The following FSIP1 variants were observed in gnomAD, a reference collection of about 807,000 sequenced individuals.
FSIP1 encodes the protein fibrous sheath interacting protein 1.
In FSIP1, 65 loss-of-function variants were observed where a neutral mutation model predicts 60.9. The ratio of observed to expected loss-of-function variants is 1.07; its 90% CI spans 0.87 to 1.31. FSIP1 has a LOEUF of 1.31. Ranked by LOEUF, FSIP1 falls within the 40% of genes most tolerant of loss-of-function variation. The pLI, the probability that FSIP1 is intolerant of heterozygous loss-of-function variation, is 0.00. For synonymous variants in FSIP1, 209 were observed against 221.2 expected (o/e 0.94, Z 0.49); for missense variants, 675 against 665.5 (o/e 1.01, Z -0.16).
intron 8 of FSIP1, among the ~76,000 whole-genome samples, chr15:39,734,696 G>A (rs1000841126): frequency 1.3e-5 from 2 of 152,068 alleles, no homozygotes; most frequent in Non-Finnish European, 1.5e-5. Flanking sequence ...AGAGGATAGG[G>A]AGATAAACAA....
chr15:39,718,667 T>C (rs1315364233), intron 9 of FSIP1, among the ~76,000 whole-genome samples: 1 of 152,252 alleles, frequency 6.6e-6, no homozygotes, highest in East Asian at 1.9e-4. Flanking sequence ...TGGCTGATTT[T>C]TTTTGTATGA....
chr15:39,763,681 A>G lies in FSIP1; in HGVS notation c.559+140T>C, dbSNP rs1006632303. 3 of 605,676 alleles carry G rather than the reference A, an allele frequency of 5.0e-6. No individual in the cohort carries two copies. In the African/African-American group the frequency reaches 5.6e-5, roughly 11 times the overall value. 37.5% of individuals were successfully genotyped at this position (605,676 alleles called of 1,614,324 possible). ...GGAGTAGTTTCATATAATCCTACCTAATGTGATCAATTATTTCCCTAAAGA... is the reference window on the plus strand; with the variant it reads ...GGAGTAGTTTCATATAATCCTACCTGATGTGATCAATTATTTCCCTAAAGA... On this transcript the variant is annotated intron_variant, in intron 5 of 11. Transcript: ENST00000350221.
chr15:39,674,094 G>T (rs1381700837), intron 10 of FSIP1, among the ~76,000 whole-genome samples: 3 of 148,316 alleles, frequency 2.0e-5, no homozygotes, highest in East Asian at 2.0e-4. Context: ...TCGCTCTGTC[G>T]CCCAGGCTGG....
intron 10 of FSIP1, among the ~76,000 whole-genome samples, chr15:39,634,951 T>C (rs11633974): frequency 0.14 from 21,373 of 152,078 alleles, 1,841 homozygotes; most frequent in African/African-American, 0.23. Context: ...AAAAAGAAGA[T>C]AGAGGCCTAA....
In FSIP1 at chr15:39,600,868, G is replaced by A; in HGVS notation, c.*12C>T. On this transcript the variant is annotated 3_prime_UTR_variant, in exon 12 of 12. Coordinates refer to ENST00000350221, the MANE Select transcript of FSIP1 (RefSeq NM_152597.5). ...ACCAACTTTCTGAAAAGCACACCCA[G>A]CAAGTCCTTGATTAGGGTTCTTTAC... 1 of 1,598,994 alleles carries A rather than the reference G, an allele frequency of 6.3e-7. No homozygotes were observed. The highest frequency in any genetic ancestry group is 8.5e-7 in the Non-Finnish European group (1 of 1,174,264).
chr15:39,680,008 A>G (rs1894096310), intron 10 of FSIP1, among the ~76,000 whole-genome samples: 1 of 152,214 alleles, frequency 6.6e-6, no homozygotes, highest in Non-Finnish European at 1.5e-5. Flanking sequence ...TGAACTCTTG[A>G]GCAAGCTCCC....
intron 11 of FSIP1, among the ~76,000 whole-genome samples, chr15:39,605,647 A>T (rs1314691023): frequency 6.6e-6 from 1 of 152,188 alleles, no homozygotes; most frequent in Non-Finnish European, 1.5e-5. Flanking sequence ...GAGAATACAC[A>T]TGCCTTCTAA....
Position 39,726,535 on chromosome 15 carries a change from T to C in FSIP1, c.1050+54A>G, listed in dbSNP as rs147919530. 2.7e-4 allele frequency: 428 copies of C among 1,583,956 alleles called. 6 individuals carry two copies. The East Asian group carries it at 9.5e-3, about 35-fold the overall frequency. On this transcript the variant is annotated intron_variant, in intron 9 of 11. Transcript: ENST00000350221. ...GGTTAACAACCAGATTGTAAAATTATGTGAACAGCTTTAGCACACATTAAC... is the reference window on the plus strand; with the variant it reads ...GGTTAACAACCAGATTGTAAAATTACGTGAACAGCTTTAGCACACATTAAC...
At chr15:39,642,166 A>G (rs1892395206) in intron 10 of FSIP1, among the ~76,000 whole-genome samples, 1 of 152,186 alleles carries the variant, frequency 6.6e-6, no homozygotes, top group South Asian at 2.1e-4. Flanking sequence ...GCAAGTATTC[A>G]TGGTGCAAAA....
chr15:39,699,070 C>A (rs1243218024), intron 10 of FSIP1, among the ~76,000 whole-genome samples: 1 of 152,130 alleles, frequency 6.6e-6, no homozygotes, highest in Non-Finnish European at 1.5e-5. Context: ...TATCTATGCT[C>A]CAACTAAGAA....
chr15:39,651,034 T>C (rs1481085554), intron 10 of FSIP1, among the ~76,000 whole-genome samples: 1 of 152,162 alleles, frequency 6.6e-6, no homozygotes, highest in Non-Finnish European at 1.5e-5. Flanking sequence ...ACTGGTCAGA[T>C]GGAGTCCCAG....
At chr15:39,613,965 TATAAG>T (rs938426470) in intron 11 of FSIP1, among the ~76,000 whole-genome samples, 2 of 152,174 alleles carry the variant, frequency 1.3e-5, no homozygotes, top group African/African-American at 4.8e-5. Flanking sequence ...ATAAAGGCCA[TATAAG>T]ATAAATCTGT....
At chr15:39,725,504 G>C (rs28570392) in intron 9 of FSIP1, among the ~76,000 whole-genome samples, 18,110 of 152,190 alleles carry the variant, frequency 0.12, 1,323 homozygotes, top group African/African-American at 0.2. Context: ...CAGCCTTCAA[G>C]TGACAGCTTA....
chr15:39,756,626 C>T (rs1897308736), intron 5 of FSIP1, among the ~76,000 whole-genome samples: 2 of 151,902 alleles, frequency 1.3e-5, no homozygotes, highest in African/African-American at 4.8e-5. Flanking sequence ...CATGAACCAC[C>T]CACCCAACCT....
chr15:39,763,683 T>C (rs1897581068), intron 5 of FSIP1, 138 bp downstream of exon 5: 1 of 607,798 alleles, frequency 1.6e-6, no homozygotes, highest in Non-Finnish European at 3.0e-6. Context: ...TCCTACCTAA[T>C]GTGATCAATT....
At chr15:39,738,270 A>T in intron 7 of FSIP1, 69 bp from the exon 8 acceptor site, 1 of 972,236 alleles carries the variant, frequency 1.0e-6, no homozygotes, top group Non-Finnish European at 1.6e-6. Context: ...AAAAAAATGG[A>T]ATCTGAGACT....
intron 11 of FSIP1, among the ~76,000 whole-genome samples, chr15:39,616,375 T>C (rs1488439728): frequency 2.0e-5 from 3 of 152,214 alleles, no homozygotes; most frequent in East Asian, 3.8e-4. Context: ...AAAAATGTTA[T>C]GCAGTTTTAA....
At chr15:39,739,620 C>A in intron 7 of FSIP1, 45 bp downstream of exon 7, 1 of 1,550,584 alleles carries the variant, frequency 6.4e-7, no homozygotes, top group Non-Finnish European at 8.7e-7. Context: ...TTTTTTTCAA[C>A]TCATTTAGCC....
chr15:39,603,965 G>T (rs1483573749), intron 11 of FSIP1, among the ~76,000 whole-genome samples: 1 of 152,114 alleles, frequency 6.6e-6, no homozygotes. Flanking sequence ...TTTTGTTGTT[G>T]TTGTTGCCCA....
Sources: gnomAD v4.1 joint callset for allele counts (sites outside exome capture counted in the v4.1 genomes callset) on GRCh38, gnomAD v4.1.1 for gene constraint, MANE v1.5 for transcripts, NCBI Gene and HGNC (gene_info 2026-07-23, HGNC 2026-07-21) for gene names.